COMMD10: variants seen among roughly 807,000 people sequenced by gnomAD.
COMMD10 encodes COMM domain-containing protein 10.
COMMD10 carries 33 observed loss-of-function variants against 28.9 expected under a neutral mutation model. That is an observed-to-expected ratio of 1.14 (90% CI 0.87 to 1.53). The LOEUF is 1.53. Ranked by LOEUF, COMMD10 falls within the 40% of genes most tolerant of loss-of-function variation. The pLI, the probability that COMMD10 is intolerant of heterozygous loss-of-function variation, is 0.00. For synonymous variants in COMMD10, 110 were observed against 81.7 expected, an observed-to-expected ratio of 1.35 and a Z score of -1.87; for missense variants, 310 against 233.4, an observed-to-expected ratio of 1.33 and a Z score of -2.14.
intron 5 of COMMD10, among the ~76,000 whole-genome samples, chr5:116,283,397 A>T (rs1751126963): frequency 6.6e-6 from 1 of 151,192 alleles, no homozygotes; most frequent in Non-Finnish European, 1.5e-5. Context: ...CCCAGGCTGG[A>T]GTGCAGAGGC....
At chr5:116,135,966 T>C (rs1255695959) in intron 5 of COMMD10, among the ~76,000 whole-genome samples, 1 of 152,186 alleles carries the variant, frequency 6.6e-6, no homozygotes, top group Admixed American at 6.5e-5. Flanking sequence ...TTATGAAGAC[T>C]AAATACCTAG....
chr5:116,106,233 T>G (rs531365979), intron 4 of COMMD10, among the ~76,000 whole-genome samples: 27 of 152,332 alleles, frequency 1.8e-4, no homozygotes, highest in African/African-American at 6.5e-4. Flanking sequence ...TGCTTTTATT[T>G]CGTTTTCTAC....
chr5:116,136,792 A>C (rs1752037356), intron 5 of COMMD10, among the ~76,000 whole-genome samples: 1 of 152,182 alleles, frequency 6.6e-6, no homozygotes, highest in Non-Finnish European at 1.5e-5. Flanking sequence ...TAATCTTATA[A>C]CTTGCAGAGC....
At chr5:116,269,437 T>C (rs1010699248) in intron 5 of COMMD10, among the ~76,000 whole-genome samples, 3 of 151,806 alleles carry the variant, frequency 2.0e-5, no homozygotes, top group Non-Finnish European at 4.4e-5. Flanking sequence ...TTTCACATTT[T>C]ACTTTATAGG....
chr5:116,203,837 G>A (rs1353536452), intron 5 of COMMD10, among the ~76,000 whole-genome samples: 1 of 151,234 alleles, frequency 6.6e-6, no homozygotes, highest in Non-Finnish European at 1.5e-5. Flanking sequence ...ATCAACTAAG[G>A]AGCACAATAA....
At chr5:116,234,322 T>C (rs1314214813) in intron 5 of COMMD10, among the ~76,000 whole-genome samples, 1 of 152,076 alleles carries the variant, frequency 6.6e-6, no homozygotes, top group Non-Finnish European at 1.5e-5. Context: ...ACGAACACAC[T>C]CTTAAATCTG....
intron 5 of COMMD10, among the ~76,000 whole-genome samples, chr5:116,214,563 T>C (rs1392264904): frequency 6.6e-6 from 1 of 152,118 alleles, no homozygotes; most frequent in African/African-American, 2.4e-5. Context: ...AACTAAAACA[T>C]GTAGAAGTTT....
At chr5:116,263,261 T>C (rs1750497205) in intron 5 of COMMD10, among the ~76,000 whole-genome samples, 1 of 151,810 alleles carries the variant, frequency 6.6e-6, no homozygotes, top group African/African-American at 2.4e-5. Flanking sequence ...CCCAAATTCC[T>C]ACATAAGGGA....
At chr5:116,259,246 A>G (rs1750374229) in intron 5 of COMMD10, among the ~76,000 whole-genome samples, 1 of 150,960 alleles carries the variant, frequency 6.6e-6, no homozygotes, top group African/African-American at 2.5e-5. Context: ...TATTTTTAGT[A>G]CAGACAGGAT....
intron 5 of COMMD10, among the ~76,000 whole-genome samples, chr5:116,273,172 C>G (rs904400412): frequency 6.6e-6 from 1 of 151,876 alleles, no homozygotes; most frequent in Non-Finnish European, 1.5e-5. Flanking sequence ...GTGCCTCAAA[C>G]TAGATCCTGT....
chr5:116,110,617 TG>T (rs1376229215), intron 4 of COMMD10, among the ~76,000 whole-genome samples: 1 of 152,162 alleles, frequency 6.6e-6, no homozygotes, highest in Non-Finnish European at 1.5e-5. Flanking sequence ...GTTCTTACAT[TG>T]CTACACAGAA....
At chr5:116,102,610 G>T (rs1750699651) in intron 4 of COMMD10, among the ~76,000 whole-genome samples, 1 of 152,088 alleles carries the variant, frequency 6.6e-6, no homozygotes, top group Admixed American at 6.6e-5. Flanking sequence ...ATGGTATTTT[G>T]ATAAGGATTG....
chr5:116,167,361 G>C (rs193074101), intron 5 of COMMD10, among the ~76,000 whole-genome samples: 14 of 152,214 alleles, frequency 9.2e-5, no homozygotes, highest in Non-Finnish European at 1.6e-4. Context: ...GACCAAACCT[G>C]TGTTTGATTG....
chr5:116,170,490 A>G (rs1753289246), intron 5 of COMMD10, among the ~76,000 whole-genome samples: 1 of 152,208 alleles, frequency 6.6e-6, no homozygotes, highest in Non-Finnish European at 1.5e-5. Context: ...AACTACTTTA[A>G]ATTTCATGTG....
chr5:116,254,964 T>G (rs915428145), intron 5 of COMMD10, among the ~76,000 whole-genome samples: 1 of 151,500 alleles, frequency 6.6e-6, no homozygotes, highest in Non-Finnish European at 1.5e-5. Flanking sequence ...AGGACTTGCT[T>G]TATGAATCTT....
chr5:116,165,566 T>C (rs1477819009), intron 5 of COMMD10, among the ~76,000 whole-genome samples: 1 of 152,090 alleles, frequency 6.6e-6, no homozygotes, highest in Non-Finnish European at 1.5e-5. Context: ...CCTGTCTGCC[T>C]TGTCTTCACA....
At chr5:116,124,357 GT>G (rs1188757044) in intron 4 of COMMD10, among the ~76,000 whole-genome samples, 3 of 152,290 alleles carry the variant, frequency 2.0e-5, no homozygotes, top group South Asian at 4.1e-4. Flanking sequence ...AGATTGTTCA[GT>G]TTCCATGTAC....
chr5:116,155,322 A>G (rs951660076), intron 5 of COMMD10, among the ~76,000 whole-genome samples: 15 of 152,054 alleles, frequency 9.9e-5, no homozygotes, highest in African/African-American at 3.6e-4. Flanking sequence ...TTGTTTGTGC[A>G]TTGTCCTTAT....
At chr5:116,176,460 A>T (rs1450617149) in intron 5 of COMMD10, among the ~76,000 whole-genome samples, 1 of 152,146 alleles carries the variant, frequency 6.6e-6, no homozygotes, top group Non-Finnish European at 1.5e-5. Flanking sequence ...ATAGAATCTA[A>T]AACATTTAAC....
Sources: allele counts gnomAD v4.1 joint callset (sites outside exome capture counted in the v4.1 genomes callset), GRCh38; gene constraint gnomAD v4.1.1; transcripts MANE v1.5; gene names NCBI Gene and HGNC (gene_info 2026-07-23, HGNC 2026-07-21).